The following HIPK1 variants were observed in gnomAD, a reference collection of about 807,000 sequenced individuals.
HIPK1 encodes the protein homeodomain-interacting protein kinase 1.
HIPK1 carries 28 observed loss-of-function variants against 117.1 expected under a neutral mutation model. The ratio of observed to expected loss-of-function variants is 0.24; its 90% CI spans 0.18 to 0.33. The LOEUF is 0.33. Ranked by LOEUF, HIPK1 falls within the 10% of genes least tolerant of loss-of-function variation. The probability of loss-of-function intolerance (pLI) is 1.00; values close to 1 mark genes in which losing one functional copy is unlikely to be tolerated. For synonymous variants in HIPK1, 605 were observed against 562.5 expected, an observed-to-expected ratio of 1.08 and a Z score of -1.07; for missense variants, 1,122 against 1,475.1, an observed-to-expected ratio of 0.76 and a Z score of 3.92.
At chr1:113,951,087 T>C (rs1337326913) in intron 2 of HIPK1, 1 of 272,434 alleles carries the variant, frequency 3.7e-6, no homozygotes, top group African/African-American at 2.3e-5. Flanking sequence ...TTTGATAGGA[T>C]TGTTGTAAGG....
chr1:113,929,500 C>T lies in HIPK1; in HGVS notation c.-35C>T, dbSNP rs962301509. Reference sequence around the variant, plus strand: ...CTGCAATCAGTACTATGCGATCGTCCTAGAGAGTCCATTCAGCTGCACTTC... The same window carrying T: ...CTGCAATCAGTACTATGCGATCGTCTTAGAGAGTCCATTCAGCTGCACTTC... On this transcript the variant is annotated 5_prime_UTR_variant, in exon 1 of 16. Transcript: ENST00000426820. 2.3e-6 allele frequency: 3 copies of T among 1,289,308 alleles called. No homozygotes were observed. The highest frequency in any genetic ancestry group is 1.2e-5 in the South Asian group (1 of 81,030). The allele number at this position is 1,289,308 out of a possible 1,614,324, so 79.9% of individuals were successfully genotyped here.
At chr1:113,959,338 C>CG in intron 8 of HIPK1, among the ~76,000 whole-genome samples, 1 of 152,002 alleles carries the variant, frequency 6.6e-6, no homozygotes, top group South Asian at 2.1e-4. Flanking sequence ...AGAGCAATAG[C>CG]GATATAAACC....
intron 10 of HIPK1, 82 bp downstream of exon 10, chr1:113,963,603 C>T: frequency 1.3e-6 from 2 of 1,504,454 alleles, no homozygotes; most frequent in Non-Finnish European, 1.8e-6. Flanking sequence ...TGTTTTTGTT[C>T]TGTTTTTTTC....
At chr1:113,972,113 G>C (rs1477445377) in intron 15 of HIPK1, 159 bp downstream of exon 15, 1 of 1,572,886 alleles carries the variant, frequency 6.4e-7, no homozygotes, top group Non-Finnish European at 8.6e-7. Context: ...CATATGCTGT[G>C]TCTCTTCATT....
chr1:113,948,744 T>G (rs1671148073), intron 2 of HIPK1, among the ~76,000 whole-genome samples: 1 of 152,098 alleles, frequency 6.6e-6, no homozygotes, highest in Non-Finnish European at 1.5e-5. Context: ...GTTTTTTTTT[T>G]TAATTAAATG....
intron 1 of HIPK1, among the ~76,000 whole-genome samples, chr1:113,935,509 A>G (rs1267416227): frequency 6.6e-6 from 1 of 152,208 alleles, no homozygotes; most frequent in Non-Finnish European, 1.5e-5. Context: ...TCTTTGTGGT[A>G]GAATGATTTA....
chr1:113,954,891 T>G, intron 4 of HIPK1, 121 bp downstream of exon 4: 1 of 911,584 alleles, frequency 1.1e-6, no homozygotes, highest in Non-Finnish European at 1.7e-6. Context: ...GGGAAGCATT[T>G]TGAAAAATTA....
Position 113,929,467 on chromosome 1 carries a change from G to T in HIPK1, c.-68G>T, listed in dbSNP as rs1029115527. The T allele has an allele frequency of 1.4e-5, 18 of 1,289,274 alleles. 1 individual carries two copies. Among genetic ancestry groups the T allele is most frequent in the Middle Eastern group, 4.2e-4 (2 of 4,706 alleles). 79.9% of individuals were successfully genotyped at this position (1,289,274 alleles called of 1,614,324 possible). A position where few individuals can be genotyped will look rare whatever the true frequency, so the allele number is the denominator to read the frequency against. On this transcript the variant is annotated 5_prime_UTR_variant, in exon 1 of 16. Coordinates refer to ENST00000426820, the MANE Select transcript of HIPK1 (RefSeq NM_198268.3). ...GAGGCCCACCTACTCGAGGCCCACC[G>T]ACTCCTACTGCAATCAGTACTATGC...
intron 10 of HIPK1, among the ~76,000 whole-genome samples, chr1:113,964,310 T>A (rs928673735): frequency 6.6e-6 from 1 of 152,212 alleles, no homozygotes; most frequent in African/African-American, 2.4e-5. Flanking sequence ...ATATCTTTGT[T>A]ATTAAAAGTC....
At chr1:113,930,226 C>T (rs1305664674) in intron 1 of HIPK1, among the ~76,000 whole-genome samples, 5 of 152,272 alleles carry the variant, frequency 3.3e-5, no homozygotes, top group African/African-American at 1.2e-4. Context: ...CCTTAAGTGA[C>T]AGGGGACCGC....
intron 11 of HIPK1, among the ~76,000 whole-genome samples, chr1:113,967,172 C>T (rs1251791559): frequency 6.6e-6 from 1 of 152,174 alleles, no homozygotes; most frequent in African/African-American, 2.4e-5. Context: ...TTACTGTGAA[C>T]AGTGCTGCAA....
chr1:113,959,296 A>AG (rs1006724506), intron 8 of HIPK1, among the ~76,000 whole-genome samples: 2 of 71,956 alleles, frequency 2.8e-5, no homozygotes, highest in African/African-American at 9.3e-5. Context: ...AAGAGGGGCT[A>AG]GGGGGGTCAG....
At chr1:113,968,417 C>T (rs1442751595) in intron 12 of HIPK1, 25 bp from the exon 13 acceptor site, 1 of 1,559,300 alleles carries the variant, frequency 6.4e-7, no homozygotes, top group East Asian at 2.2e-5. Flanking sequence ...ACTGAATCAT[C>T]TTTCCATGTG....
Position 113,929,383 on chromosome 1 carries a change from G to A in HIPK1, c.-152G>A, listed in dbSNP as rs1368386152. The A allele has an allele frequency of 2.3e-6, 3 of 1,289,372 alleles. No homozygotes were observed. The highest frequency in any genetic ancestry group is 2.0e-6 in the Non-Finnish European group (2 of 988,890). The allele number at this position is 1,289,372 out of a possible 1,614,324, so 79.9% of individuals were successfully genotyped here. Reference sequence around the variant, plus strand: ...GCACCTTTAAATCACCGCAGAGTCTGCAGTGCGGAGGGGGCGGGAAGTCCA... The same window carrying A: ...GCACCTTTAAATCACCGCAGAGTCTACAGTGCGGAGGGGGCGGGAAGTCCA... On this transcript the variant is annotated 5_prime_UTR_variant, in exon 1 of 16. Coordinates refer to ENST00000426820, the MANE Select transcript of HIPK1 (RefSeq NM_198268.3).
chr1:113,965,791 G>A (rs930185708), intron 10 of HIPK1, among the ~76,000 whole-genome samples: 1 of 152,088 alleles, frequency 6.6e-6, no homozygotes, highest in Non-Finnish European at 1.5e-5. Flanking sequence ...TAGAATTGTT[G>A]CAAAAATGAA....
chr1:113,952,991 T>C, intron 3 of HIPK1, 102 bp downstream of exon 3: 1 of 1,131,300 alleles, frequency 8.8e-7, no homozygotes, highest in Non-Finnish European at 1.2e-6. Context: ...ATTTAGATAA[T>C]AGGGAAAGAG....
chr1:113,929,790 C>T, intron 1 of HIPK1: 1 of 918,812 alleles, frequency 1.1e-6, no homozygotes, highest in Non-Finnish European at 1.3e-6. Context: ...GCGGGACGGG[C>T]GCGGGGACGG....
rs958222622 is a variant in HIPK1 at position 113,975,732 on chromosome 1, A to G, written c.*2220A>G. 9 of 152,870 alleles carry G rather than the reference A, an allele frequency of 5.9e-5. No homozygotes were observed. The highest frequency in any genetic ancestry group is 2.1e-4 in the South Asian group (1 of 4,826). 9.5% of individuals were successfully genotyped at this position (152,870 alleles called of 1,614,324 possible). A position where few individuals can be genotyped will look rare whatever the true frequency, so the allele number is the denominator to read the frequency against. On this transcript the variant is annotated 3_prime_UTR_variant, in exon 16 of 16. Transcript: ENST00000426820. ...AGGTTTCTTAGCTGGTGAAGAATAT[A>G]GAGAAGGAACCAAAGCCTGTTGAGT...
At chr1:113,929,754 G>A (rs1339620479) in intron 1 of HIPK1, 2 of 883,960 alleles carry the variant, frequency 2.3e-6, no homozygotes, top group Admixed American at 6.2e-5. Context: ...TGGTGGAGCG[G>A]GAGGGAGGCT....
Sources: gnomAD v4.1 joint callset for allele counts (sites outside exome capture counted in the v4.1 genomes callset) on GRCh38, gnomAD v4.1.1 for gene constraint, MANE v1.5 for transcripts, NCBI Gene and HGNC (gene_info 2026-07-23, HGNC 2026-07-21) for gene names.